The following TSNARE1 variants were observed in gnomAD, a reference collection of about 807,000 sequenced individuals.
TSNARE1 encodes t-SNARE domain containing 1, also known as t-SNARE domain-containing protein 1.
In TSNARE1, 49 loss-of-function variants were observed where a neutral mutation model predicts 62.0. The observed-to-expected ratio is 0.79, with a 90% CI of 0.63 to 1.00. TSNARE1 has a LOEUF of 1.00. TSNARE1 is among the 50% of genes least tolerant of loss of function. The probability of loss-of-function intolerance (pLI) is 0.00; values close to 1 mark genes in which losing one functional copy is unlikely to be tolerated. For synonymous variants in TSNARE1, 328 were observed against 294.4 expected (o/e 1.11, Z -1.17); for missense variants, 755 against 700.1 (o/e 1.08, Z -0.88).
intron 11 of TSNARE1, among the ~76,000 whole-genome samples, chr8:142,279,004 T>C (rs1820958783): frequency 6.6e-6 from 1 of 152,298 alleles, no homozygotes; most frequent in Non-Finnish European, 1.5e-5. Flanking sequence ...GAGGTGCATA[T>C]GGGCTGAGGC....
intron 12 of TSNARE1, among the ~76,000 whole-genome samples, chr8:142,268,508 A>G (rs1417553871): frequency 1.3e-5 from 2 of 151,788 alleles, no homozygotes; most frequent in African/African-American, 4.8e-5. Context: ...AGCCCCCGAC[A>G]CTCTAGACTG....
At chr8:142,288,223 G>A (rs1156951753) in intron 10 of TSNARE1, among the ~76,000 whole-genome samples, 2 of 152,238 alleles carry the variant, frequency 1.3e-5, no homozygotes, top group Admixed American at 1.3e-4. Flanking sequence ...CTGGGGCGGG[G>A]TGGAAGAGGG....
chr8:142,343,485 C>T (rs950308077), intron 4 of TSNARE1, among the ~76,000 whole-genome samples: 1 of 151,708 alleles, frequency 6.6e-6, no homozygotes, highest in African/African-American at 2.4e-5. Flanking sequence ...CCCTTCTCGC[C>T]ACGGCCGTGG....
rs528519454 is a variant in TSNARE1 at position 142,363,809 on chromosome 8, G to A, written c.-39-9046C>T. On this transcript the variant is annotated intron_variant, in intron 1 of 13. Transcript: ENST00000524325. ...AGTCAACCGACCCAGAGATCTCAGG[G>A]TGAAGACCACGCACGCCCTCGCAAG... Among the ~76,000 whole-genome samples, 5 of 152,316 alleles carry A rather than the reference G, an allele frequency of 3.3e-5. No homozygotes were observed. The South Asian group carries it at 1.0e-3, about 32-fold the overall frequency.
intron 1 of TSNARE1, among the ~76,000 whole-genome samples, chr8:142,397,312 G>C (rs530438277): frequency 6.6e-6 from 1 of 152,176 alleles, no homozygotes; most frequent in African/African-American, 2.4e-5. Flanking sequence ...ACCTTCCACA[G>C]CCCCTCTGTG....
At chr8:142,310,527 A>AGATCACTCCTTTTCCACGTGGAGGG (rs1827404919) in intron 9 of TSNARE1, among the ~76,000 whole-genome samples, 1 of 151,230 alleles carries the variant, frequency 6.6e-6, no homozygotes, top group African/African-American at 2.5e-5. Flanking sequence ...TCTGTTGATG[A>AGATCACTCCTTTTCCACGTGGAGGG]GGAGTTCTCT....
chr8:142,388,501 TAAAA>T (rs34348082), intron 1 of TSNARE1, among the ~76,000 whole-genome samples: 1 of 68,836 alleles, frequency 1.5e-5, no homozygotes, highest in South Asian at 4.6e-4. Flanking sequence ...GATAATGAAC[TAAAA>T]AAAAAAAAAA....
At chr8:142,283,341 A>G (rs1385776351) in intron 11 of TSNARE1, among the ~76,000 whole-genome samples, 2 of 151,352 alleles carry the variant, frequency 1.3e-5, no homozygotes. Flanking sequence ...AGGCGGGGCC[A>G]GTGTCTGTCA....
chr8:142,320,204 A>G (rs1448703565), intron 6 of TSNARE1, among the ~76,000 whole-genome samples: 1 of 152,188 alleles, frequency 6.6e-6, no homozygotes, highest in African/African-American at 2.4e-5. Flanking sequence ...TGCTAAAGAC[A>G]GTTCAGATCT....
chr8:142,287,074 G>A (rs1822882233), intron 10 of TSNARE1, among the ~76,000 whole-genome samples: 1 of 152,222 alleles, frequency 6.6e-6, no homozygotes, highest in South Asian at 2.1e-4. Context: ...CTCCAACCCA[G>A]GTCACTACCA....
At chr8:142,375,179 G>T (rs1836238318) in intron 1 of TSNARE1, among the ~76,000 whole-genome samples, 1 of 152,246 alleles carries the variant, frequency 6.6e-6, no homozygotes, top group Non-Finnish European at 1.5e-5. Context: ...GTACAGCAAG[G>T]GACAAGCCAC....
chr8:142,305,632 C>T (rs978451128), intron 9 of TSNARE1, among the ~76,000 whole-genome samples: 11 of 152,178 alleles, frequency 7.2e-5, no homozygotes, highest in African/African-American at 9.7e-5. Flanking sequence ...CGGGTCCCTC[C>T]GCGGCCTCCT....
Position 142,221,653 on chromosome 8 carries a change from CCACT to C in TSNARE1, c.*11+7816_*11+7819del, listed in dbSNP as rs554784471. ...CAAACTCATTGACTCGTTCATTCAT[CCACT>C]CACTCACTCACTCATCCACTCATCC... On this transcript the variant is annotated intron_variant, in intron 13 of 13. Transcript: ENST00000524325. Among the ~76,000 whole-genome samples the C allele has an allele frequency of 6.4e-3, 959 of 149,762 alleles. 44 individuals carry two copies. Among genetic ancestry groups the C allele is most frequent in the African/African-American group, 0.023 (909 of 39,800 alleles).
At chr8:142,386,864 G>A (rs1214023378) in intron 1 of TSNARE1, among the ~76,000 whole-genome samples, 1 of 152,208 alleles carries the variant, frequency 6.6e-6, no homozygotes, top group Non-Finnish European at 1.5e-5. Context: ...ATCAATGGTA[G>A]ACATTAATTC....
chr8:142,214,688 A>C lies in TSNARE1; in HGVS notation c.*12-2375T>G, dbSNP rs759977504. 1.2e-4 allele frequency among the ~76,000 whole-genome samples: 18 copies of C among 152,170 alleles called. No homozygotes were observed. The Middle Eastern group carries it at 0.021, about 174-fold the overall frequency. ...AAACTCAAAGGCGAAAATAACCCCCAGGGTGATGCTGTGAAGGGTGGGGCC... is the reference window on the plus strand; with the variant it reads ...AAACTCAAAGGCGAAAATAACCCCCCGGGTGATGCTGTGAAGGGTGGGGCC... On this transcript the variant is annotated intron_variant, in intron 13 of 13. Coordinates refer to ENST00000524325, the MANE Select transcript of TSNARE1 (RefSeq NM_145003.5).
At chr8:142,255,019 G>A (rs1476760712) in intron 12 of TSNARE1, among the ~76,000 whole-genome samples, 1 of 152,196 alleles carries the variant, frequency 6.6e-6, no homozygotes, top group East Asian at 1.9e-4. Context: ...CACCTTTGAG[G>A]ATCTTGAGGC....
intron 10 of TSNARE1, among the ~76,000 whole-genome samples, chr8:142,294,669 G>T (rs1479926511): frequency 6.6e-6 from 1 of 152,228 alleles, no homozygotes; most frequent in Non-Finnish European, 1.5e-5. Context: ...TCCATACAGG[G>T]CCGGCACAGC....
chr8:142,377,799 G>C (rs1219770214), intron 1 of TSNARE1, among the ~76,000 whole-genome samples: 1 of 152,214 alleles, frequency 6.6e-6, no homozygotes, highest in African/African-American at 2.4e-5. Flanking sequence ...CCAGAAGCTG[G>C]AAGCACTGGA....
chr8:142,274,486 C>G, intron 12 of TSNARE1: 1 of 985,488 alleles, frequency 1.0e-6, no homozygotes, highest in Non-Finnish European at 1.2e-6. Flanking sequence ...CGGGAAGGCC[C>G]CAAGGGCCCT....
Sources: gnomAD v4.1 joint callset for allele counts (sites outside exome capture counted in the v4.1 genomes callset) on GRCh38, gnomAD v4.1.1 for gene constraint, MANE v1.5 for transcripts, NCBI Gene and HGNC (gene_info 2026-07-23, HGNC 2026-07-21) for gene names.